The following INPP4B variants were observed in gnomAD, a reference collection of about 807,000 sequenced individuals.
The protein encoded by INPP4B is inositol polyphosphate 4-phosphatase type II.
A neutral mutation model predicts 122.5 loss-of-function variants in INPP4B; 55 were observed. That is an observed-to-expected ratio of 0.45 (90% CI 0.36 to 0.56). The LOEUF is 0.56. INPP4B is among the 20% of genes least tolerant of loss of function. The pLI, the probability that INPP4B is intolerant of heterozygous loss-of-function variation, is 0.00. For missense variants in INPP4B, 1,000 were observed against 1,097.7 expected, an observed-to-expected ratio of 0.91 and a Z score of 1.26; for synonymous variants, 403 against 388.7, an observed-to-expected ratio of 1.04 and a Z score of -0.43.
rs188720336 is a variant in INPP4B at position 142,157,420 on chromosome 4, T to C, written c.1563+2938A>G. ...TGTTTGCAAAAAGAGTAAAATTATA[T>C]TAGAAGGAGAGAATTAGAAGTAACT... On this transcript the variant is annotated intron_variant, in intron 17 of 25. Transcript: ENST00000262992. Among the ~76,000 whole-genome samples the C allele has an allele frequency of 9.2e-5, 14 of 152,202 alleles. No individual in the cohort carries two copies. In the East Asian group the frequency reaches 2.7e-3, roughly 29 times the overall value.
At chr4:142,252,420 C>T (rs1346092696) in intron 11 of INPP4B, among the ~76,000 whole-genome samples, 2 of 151,896 alleles carry the variant, frequency 1.3e-5, no homozygotes, top group East Asian at 1.9e-4. Context: ...GATCTCCTGA[C>T]CTCGTGATCC....
At chr4:142,286,785 T>A (rs1579600448) in intron 9 of INPP4B, 4 of 152,302 alleles carry the variant, frequency 2.6e-5, no homozygotes, top group South Asian at 4.1e-4. Flanking sequence ...TTTTAAAAAA[T>A]TTATTTCTGA....
intron 2 of INPP4B, among the ~76,000 whole-genome samples, chr4:142,680,387 C>G (rs1758450299): frequency 6.6e-6 from 1 of 151,806 alleles, no homozygotes; most frequent in South Asian, 2.1e-4. Context: ...CTTCAGCTAA[C>G]ATTATAATTT....
intron 25 of INPP4B, among the ~76,000 whole-genome samples, chr4:142,055,238 C>T (rs2645795): frequency 0.81 from 123,659 of 151,872 alleles, 52,458 homozygotes; most frequent in Non-Finnish European, 0.92. Flanking sequence ...TTAAATAAAC[C>T]ACTATTAATG....
intron 7 of INPP4B, among the ~76,000 whole-genome samples, chr4:142,398,446 A>G (rs1230670620): frequency 9.7e-6 from 1 of 103,320 alleles, no homozygotes; most frequent in Non-Finnish European, 2.1e-5. Context: ...ATATATATAT[A>G]AAACATATTA....
At chr4:142,573,337 T>G (rs1015692292) in intron 2 of INPP4B, among the ~76,000 whole-genome samples, 2 of 151,992 alleles carry the variant, frequency 1.3e-5, no homozygotes, top group Admixed American at 6.6e-5. Flanking sequence ...ACCCAGTTCC[T>G]TTTTTCTTTT....
chr4:142,378,517 T>A (rs752888005), intron 7 of INPP4B, among the ~76,000 whole-genome samples: 4 of 152,160 alleles, frequency 2.6e-5, no homozygotes, highest in African/African-American at 4.8e-5. Context: ...CAAGCAACTA[T>A]TTATTCCACA....
At chr4:142,589,090 T>C (rs1330001228) in intron 2 of INPP4B, among the ~76,000 whole-genome samples, 2 of 151,862 alleles carry the variant, frequency 1.3e-5, no homozygotes, top group African/African-American at 4.8e-5. Flanking sequence ...GACAATTCAG[T>C]AGGGAAAAGA....
intron 1 of INPP4B, among the ~76,000 whole-genome samples, chr4:142,731,474 A>C (rs1454216848): frequency 6.6e-6 from 1 of 152,210 alleles, no homozygotes; most frequent in Non-Finnish European, 1.5e-5. Flanking sequence ...ATAGCAAGAC[A>C]ATAATCTTGA....
At chr4:142,413,586 A>T (rs1371211958) in intron 5 of INPP4B, among the ~76,000 whole-genome samples, 5 of 152,190 alleles carry the variant, frequency 3.3e-5, no homozygotes, top group South Asian at 2.1e-4. Flanking sequence ...GAGGTGTGGC[A>T]GGAAGCATAA....
chr4:142,668,812 G>T (rs939466776), intron 2 of INPP4B, among the ~76,000 whole-genome samples: 8 of 152,086 alleles, frequency 5.3e-5, no homozygotes, highest in Admixed American at 6.5e-5. Context: ...ACTTTGGGAG[G>T]CCGAGGTGGG....
rs569323163 is a variant in INPP4B at position 142,261,462 on chromosome 4, A to T, written c.616-898T>A. Among the ~76,000 whole-genome samples, 7 of 152,274 alleles carry T rather than the reference A, an allele frequency of 4.6e-5. 1 individual carries two copies. In the South Asian group the frequency reaches 1.4e-3, roughly 32 times the overall value. On this transcript the variant is annotated intron_variant, in intron 10 of 25. Coordinates refer to ENST00000262992, the MANE Select transcript of INPP4B (RefSeq NM_001101669.3). Reference sequence around the variant, plus strand: ...TAGAGTAAATATACCCAATATAAACAAGTAAATGCAAACAGAAGAAAGCAA... The same window carrying T: ...TAGAGTAAATATACCCAATATAAACTAGTAAATGCAAACAGAAGAAAGCAA...
intron 3 of INPP4B, among the ~76,000 whole-genome samples, chr4:142,457,104 C>CA (rs1385139189): frequency 5.9e-5 from 9 of 151,532 alleles, no homozygotes; most frequent in East Asian, 3.9e-4. Flanking sequence ...TGCAAAAGAA[C>CA]AAAAAAACAC....
intron 16 of INPP4B, among the ~76,000 whole-genome samples, chr4:142,166,938 G>A (rs1275529389): frequency 6.6e-6 from 1 of 151,828 alleles, no homozygotes; most frequent in Non-Finnish European, 1.5e-5. Flanking sequence ...TATACCGTTG[G>A]AGGGAATGTA....
At position 142,160,512 on chromosome 4, in the gene INPP4B, A is replaced by G. The variant is rs757841714; in HGVS notation, c.1409T>C (p.Leu470Pro). The G allele has an allele frequency of 2.5e-6, 4 of 1,611,244 alleles. No homozygotes were observed. In the African/African-American group the frequency reaches 5.3e-5, roughly 22 times the overall value. Residue 470 changes from leucine to proline, a missense_variant, in exon 17 of 26, where the codon CTT becomes CCT. Physicochemically the swap from Leu to Pro is moderately conservative, Grantham distance 98. Coordinates refer to ENST00000262992, the MANE Select transcript of INPP4B (RefSeq NM_001101669.3). Reference sequence around the variant, plus strand: ...TGGCCTTGCAGTGTAGAGTGCTAAAAGAGCACTCCTGACAAGTTGATCCTT... The same window carrying G: ...TGGCCTTGCAGTGTAGAGTGCTAAAGGAGCACTCCTGACAAGTTGATCCTT... Reference protein sequence around the residue: ...AFKDQLVRSALLALYTARPGG... With the variant: ...AFKDQLVRSAPLALYTARPGG...
chr4:142,383,455 A>C (rs894152992), intron 7 of INPP4B, among the ~76,000 whole-genome samples: 9 of 152,152 alleles, frequency 5.9e-5, no homozygotes, highest in African/African-American at 1.7e-4. Flanking sequence ...TAACTGCCTA[A>C]ATTTCTACTT....
chr4:142,265,423 G>A (rs751722198), intron 10 of INPP4B, among the ~76,000 whole-genome samples: 40 of 152,126 alleles, frequency 2.6e-4, no homozygotes, highest in Non-Finnish European at 3.8e-4. Flanking sequence ...TTAAATCACC[G>A]TTAGTAACAG....
chr4:142,256,966 G>C (rs929791738), intron 11 of INPP4B, among the ~76,000 whole-genome samples: 2 of 152,256 alleles, frequency 1.3e-5, no homozygotes, highest in African/African-American at 4.8e-5. Flanking sequence ...ATGAAATACT[G>C]ACAAACCGAA....
intron 9 of INPP4B, among the ~76,000 whole-genome samples, chr4:142,300,612 T>C (rs1760987384): frequency 6.6e-6 from 1 of 152,170 alleles, no homozygotes; most frequent in Admixed American, 6.5e-5. Context: ...CCCAAACACA[T>C]AGTCATCCAC....
Sources: allele counts gnomAD v4.1 joint callset (sites outside exome capture counted in the v4.1 genomes callset), GRCh38; gene constraint gnomAD v4.1.1; transcripts MANE v1.5; gene names NCBI Gene and HGNC (gene_info 2026-07-23, HGNC 2026-07-21).